CD163: variants seen among roughly 807,000 people sequenced by gnomAD.
The protein encoded by CD163 is CD163 molecule, also known as scavenger receptor cysteine-rich type 1 protein M130.
CD163 carries 64 observed loss-of-function variants against 129.2 expected under a neutral mutation model. The observed-to-expected ratio is 0.50, with a 90% CI of 0.41 to 0.61. The LOEUF is 0.61. Ranked by LOEUF, CD163 falls within the 20% of genes least tolerant of loss-of-function variation. CD163 has a pLI of 0.00. For missense variants in CD163, 1,061 were observed against 1,377.9 expected (o/e 0.77, Z 3.64); for synonymous variants, 446 against 478.5 (o/e 0.93, Z 0.89).
intron 16 of CD163, among the ~76,000 whole-genome samples, chr12:7,476,967 G>A (rs1189353036): frequency 2.0e-5 from 3 of 152,172 alleles, no homozygotes; most frequent in Non-Finnish European, 4.4e-5. Context: ...CATTTATGTG[G>A]CCAATAAACA....
At chr12:7,473,567 G>A (rs2136679868) in intron 16 of CD163, among the ~76,000 whole-genome samples, 1 of 152,272 alleles carries the variant, frequency 6.6e-6, no homozygotes, top group South Asian at 2.1e-4. Flanking sequence ...AAGAGCTCCT[G>A]AAGGAAGCAC....
Position 7,485,250 on chromosome 12 carries a change from G to T in CD163, c.2625C>A (p.Ile875=), listed in dbSNP as rs1949232189. The change falls in exon 11 of 17, where the codon ATC becomes ATA. Residue 875 remains isoleucine, a synonymous_variant. Coordinates refer to ENST00000432237, the MANE Select transcript of CD163 (RefSeq NM_203416.4). This position sits in a 1 kb window ranked among gnomAD's most constrained non-coding sequence, Gnocchi z 4.5. ...RQLGCADKGK[I]NPASLDKAMS... is the part of the protein sequence containing the mutation. ...TGGCCTTGTCTAAAGATGCAGGGTT[G>T]ATTTTCCCTTTGTCTGCACAGCCCA... 6.2e-7 allele frequency: 1 copy of T among 1,614,082 alleles called. No individual in the cohort carries two copies. The highest frequency in any genetic ancestry group is 1.7e-5 in the Admixed American group (1 of 60,010).
rs1366423271 is a variant in CD163, at chr12:7,503,695, A to G, written c.-5T>C. The G allele has an allele frequency of 2.5e-6, 4 of 1,575,304 alleles. No individual in the cohort carries two copies. In the African/African-American group the frequency reaches 5.4e-5, roughly 21 times the overall value. The stretch of plus-strand genomic sequence containing the variant: ...CACCATTCTGAGTTTGCTCATTCCA[A>G]AGATTTATAACTTCAATGATTCCTA... On this transcript the variant is annotated 5_prime_UTR_variant, in exon 1 of 17. Coordinates refer to ENST00000432237, the MANE Select transcript of CD163 (RefSeq NM_203416.4).
At chr12:7,474,834 C>A (rs1277767199) in intron 16 of CD163, among the ~76,000 whole-genome samples, 1 of 151,624 alleles carries the variant, frequency 6.6e-6, no homozygotes, top group Non-Finnish European at 1.5e-5. Context: ...ACTAGCCAGA[C>A]TAATAAAGAA....
At chr12:7,499,315 C>G (rs892953988) in intron 3 of CD163, 127 bp from the exon 4 acceptor site, 13 of 731,402 alleles carry the variant, frequency 1.8e-5, no homozygotes, top group Non-Finnish European at 3.0e-5. Context: ...TTGGACATTG[C>G]CCAGCTCCAC....
chr12:7,478,020 G>A (rs1949111877), intron 16 of CD163, among the ~76,000 whole-genome samples: 1 of 151,990 alleles, frequency 6.6e-6, no homozygotes, highest in Non-Finnish European at 1.5e-5. Flanking sequence ...TACATAAATG[G>A]AATATTATTA....
rs1949252437 is a variant in CD163, at chr12:7,486,594, C to T, written c.2363G>A (p.Cys788Tyr). The T allele has an allele frequency of 1.9e-6, 3 of 1,614,072 alleles. No homozygotes were observed. Among genetic ancestry groups the T allele is most frequent in the Admixed American group, 1.7e-5 (1 of 59,990 alleles). ...CCAAATGCGGGATTCTTTTCCATTG[C>T]ATTTCATCTCATCCAGCCAGATGGG... ...TGPIWLDEMK[C>Y]NGKESRIWQC... Residue 788 changes from cysteine to tyrosine, a missense_variant, in exon 10 of 17, where the codon TGC becomes TAC. Cys to Tyr is a radical substitution (Grantham distance 194). Transcript: ENST00000432237.
At position 7,482,989 on chromosome 12, in the gene CD163, T is replaced by C. The variant is rs1464532939; in HGVS notation, c.3104A>G (p.Lys1035Arg). Residue 1035 changes from lysine (K) to arginine (R), a missense_variant, in exon 13 of 17, where the codon AAA (lysine) becomes AGA (arginine). By Grantham distance (26) the Lys-to-Arg change is conservative. Coordinates refer to ENST00000432237, the MANE Select transcript of CD163 (RefSeq NM_203416.4). ...ACCTGTTGTGGCTTTTTGTGGGGTTTTCTGCACTGAAATATCTGTAGGAGA... is the reference window on the plus strand; with the variant it reads ...ACCTGTTGTGGCTTTTTGTGGGGTTCTCTGCACTGAAATATCTGTAGGAGA... ...AVNCTDISVQ[K>R]TPQKATTGRS... 6.2e-7 allele frequency: 1 copy of C among 1,613,802 alleles called. No homozygotes were observed. The highest frequency in any genetic ancestry group is 1.7e-5 in the Admixed American group (1 of 60,020).
chr12:7,480,854 C>T, intron 15 of CD163: 1 of 1,010,586 alleles, frequency 9.9e-7, no homozygotes, highest in Non-Finnish European at 1.2e-6. Flanking sequence ...TCACTTATGA[C>T]AATCTTTTGT....
At position 7,482,020 on chromosome 12, in the gene CD163, A is replaced by G. The variant is rs187558923; in HGVS notation, c.3247+623T>C. On this transcript the variant is annotated intron_variant, in intron 14 of 16. Transcript: ENST00000432237. ...AGTTAATTACTCCCTTCTCTGTGCC[A>G]CTTTTGTTCCTTTTTCCTATTAATG... Among the ~76,000 whole-genome samples, 137 of 152,060 alleles carry G rather than the reference A, an allele frequency of 9.0e-4. No individual in the cohort carries two copies. The East Asian group carries it at 0.024, about 27-fold the overall frequency.
chr12:7,472,119 G>A (rs1180769620), intron 16 of CD163, among the ~76,000 whole-genome samples: 1 of 152,234 alleles, frequency 6.6e-6, no homozygotes, highest in Admixed American at 6.5e-5. Context: ...TGGGGCGGCT[G>A]TGGGTGCAGC....
Position 7,485,382 on chromosome 12 carries a change from G to A in CD163, c.2493C>T (p.Ser831=). The A allele has an allele frequency of 6.2e-7, 1 of 1,614,116 alleles. No individual in the cohort carries two copies. The highest frequency in any genetic ancestry group is 2.2e-5 in the East Asian group (1 of 44,886). Residue 831 remains serine (S), a synonymous_variant, in exon 11 of 17, where the codon AGC becomes AGT. Coordinates refer to ENST00000432237, the MANE Select transcript of CD163 (RefSeq NM_203416.4). This position sits in a 1 kb window ranked among gnomAD's most constrained non-coding sequence, Gnocchi z 4.5. ...FMSLRLTSEA[S]REACAGRLEV... ...CCAGACGCCCTGCACAGGCCTCTCTGCTGGCTTCACTGGTCAGTCTCAGAG... is the reference window on the plus strand; with the variant it reads ...CCAGACGCCCTGCACAGGCCTCTCTACTGGCTTCACTGGTCAGTCTCAGAG...
At chr12:7,495,553 T>C in intron 5 of CD163, 152 bp from the exon 6 acceptor site, 6 of 695,928 alleles carry the variant, frequency 8.6e-6, no homozygotes, top group Non-Finnish European at 1.4e-5. Context: ...ATATAGACCA[T>C]AAATTTTTGT....
At chr12:7,484,376 A>T (rs1949218252) in intron 11 of CD163, among the ~76,000 whole-genome samples, 1 of 152,176 alleles carries the variant, frequency 6.6e-6, no homozygotes, top group African/African-American at 2.4e-5. Context: ...ACAGTGGCTC[A>T]CACCTGTAAT....
In CD163 at chr12:7,487,617, G is replaced by A; in HGVS notation, c.1792C>T (p.Leu598Phe). Reference sequence around the variant, plus strand: ...GATCCCCAGGCACCAAGCGTTTTGAGCTCCACTCTGCCCTCACACGGGGTC... The same window carrying A: ...GATCCCCAGGCACCAAGCGTTTTGAACTCCACTCTGCCCTCACACGGGGTC... ...GKTPCEGRVE[L>F]KTLGAWGSLC... is the part of the protein sequence containing the mutation. The change falls in exon 8 of 17, where the codon CTC (leucine) becomes TTC (phenylalanine). Residue 598 changes from leucine (L) to phenylalanine (F), a missense_variant. Coordinates refer to ENST00000432237, the MANE Select transcript of CD163 (RefSeq NM_203416.4). This position sits in a 1 kb window ranked among gnomAD's most constrained non-coding sequence, Gnocchi z 5.1. The A allele has an allele frequency of 1.2e-6, 2 of 1,614,152 alleles. No individual in the cohort carries two copies. The highest frequency in any genetic ancestry group is 1.7e-6 in the Non-Finnish European group (2 of 1,180,034).
intron 1 of CD163, chr12:7,502,841 T>C: frequency 1.8e-6 from 1 of 548,520 alleles, no homozygotes; most frequent in South Asian, 2.7e-5. Context: ...CCTTAAAACC[T>C]GGAAAATGGA....
chr12:7,501,085 A>AT, intron 3 of CD163, 54 bp downstream of exon 3: 4 of 1,513,154 alleles, frequency 2.6e-6, no homozygotes, highest in Non-Finnish European at 3.6e-6. Context: ...CCATCTACAT[A>AT]TTTTTTTCCC....
At position 7,487,697 on chromosome 12, in the gene CD163, A is replaced by G; in HGVS notation, c.1736-24T>C. 2 of 1,614,138 alleles carry G rather than the reference A, an allele frequency of 1.2e-6. No homozygotes were observed. Among genetic ancestry groups the G allele is most frequent in the East Asian group, 2.2e-5 (1 of 44,872 alleles). ...TCCTGGAAGGAGACAGGGCTTTAGA[A>G]AAAGACAGCTATGACTCCCTAACCC... On this transcript the variant is annotated intron_variant, in intron 7 of 16. Coordinates refer to ENST00000432237, the MANE Select transcript of CD163 (RefSeq NM_203416.4). The surrounding 1 kb of genome is among the most constrained non-coding windows in gnomAD (Gnocchi z 5.1).
intron 6 of CD163, among the ~76,000 whole-genome samples, 193 bp downstream of exon 6, chr12:7,494,888 C>T (rs1191745549): frequency 1.3e-5 from 2 of 152,122 alleles, no homozygotes; most frequent in Non-Finnish European, 2.9e-5. Context: ...CCAAAGTGAG[C>T]AAAACCCAAA....
Sources: gnomAD v4.1 joint callset for allele counts (sites outside exome capture counted in the v4.1 genomes callset) on GRCh38, gnomAD v4.1.1 for gene constraint, Gnocchi (gnomAD v3.1) non-coding constraint, MANE v1.5 for transcripts, NCBI Gene and HGNC (gene_info 2026-07-23, HGNC 2026-07-21) for gene names.